RPH3A: variants seen among roughly 807,000 people sequenced by gnomAD.
RPH3A encodes rabphilin 3A.
A neutral mutation model predicts 102.2 loss-of-function variants in RPH3A; 48 were observed. The ratio of observed to expected loss-of-function variants is 0.47; its 90% CI spans 0.37 to 0.60. The LOEUF is 0.60. Among genes scored for constraint, RPH3A ranks in the 20% least tolerant of loss-of-function variants. The pLI is 0.00. For missense variants in RPH3A, 781 were observed against 910.1 expected (o/e 0.86, Z 1.83); for synonymous variants, 310 against 324.3 (o/e 0.96, Z 0.47).
chr12:112,763,110 C>T (rs1243567387), intron 1 of RPH3A, among the ~76,000 whole-genome samples: 4 of 152,218 alleles, frequency 2.6e-5, no homozygotes, highest in Admixed American at 6.5e-5. Flanking sequence ...AAACCATATA[C>T]TGTCGTGCTA....
chr12:112,893,378 C>G (rs542324832), intron 19 of RPH3A: 2 of 152,316 alleles, frequency 1.3e-5, no homozygotes, highest in South Asian at 4.1e-4. Flanking sequence ...GGTCAAGAAA[C>G]AGAGGCACGG....
At chr12:112,590,521 G>T (rs1423875268) in intron 1 of RPH3A, among the ~76,000 whole-genome samples, 1 of 152,188 alleles carries the variant, frequency 6.6e-6, no homozygotes, top group Non-Finnish European at 1.5e-5. Context: ...CAGTGGGGTG[G>T]ACATCAGGGC....
intron 1 of RPH3A, among the ~76,000 whole-genome samples, chr12:112,763,469 G>T (rs952663059): frequency 9.2e-5 from 14 of 152,124 alleles, no homozygotes; most frequent in African/African-American, 2.9e-4. Context: ...AAGAAAGGTG[G>T]GACAATTTGA....
At chr12:112,612,169 T>TG (rs869152285) in intron 1 of RPH3A, among the ~76,000 whole-genome samples, 3 of 152,234 alleles carry the variant, frequency 2.0e-5, no homozygotes, top group East Asian at 1.9e-4. Flanking sequence ...AAATATTTTT[T>TG]GGGGGGGTGG....
intron 1 of RPH3A, among the ~76,000 whole-genome samples, chr12:112,657,042 T>C (rs2040018063): frequency 6.6e-6 from 1 of 152,078 alleles, no homozygotes; most frequent in African/African-American, 2.4e-5. Flanking sequence ...TCCATAAAGG[T>C]TGTTCTAATT....
chr12:112,597,258 T>A (rs1011492093), intron 1 of RPH3A, among the ~76,000 whole-genome samples: 2 of 152,204 alleles, frequency 1.3e-5, no homozygotes, highest in Non-Finnish European at 2.9e-5. Flanking sequence ...AAAAAGGGAA[T>A]GTTTCAATGT....
chr12:112,891,121 A>T, intron 19 of RPH3A, 118 bp downstream of exon 19: 1 of 1,187,822 alleles, frequency 8.4e-7, no homozygotes, highest in Non-Finnish European at 1.2e-6. Context: ...AGGGCAAGGA[A>T]CCTGCCCAAG....
intron 2 of RPH3A, among the ~76,000 whole-genome samples, chr12:112,812,018 C>T (rs777405483): frequency 6.6e-6 from 1 of 151,566 alleles, no homozygotes. Flanking sequence ...CCCACCAAGT[C>T]CAAGTTTGTC....
At chr12:112,761,838 A>G (rs2040856595) in intron 1 of RPH3A, among the ~76,000 whole-genome samples, 1 of 152,186 alleles carries the variant, frequency 6.6e-6, no homozygotes, top group Non-Finnish European at 1.5e-5. Context: ...AATGCTTGAC[A>G]TTTGGACTCC....
chr12:112,806,318 A>C (rs1456170911), intron 2 of RPH3A, among the ~76,000 whole-genome samples: 1 of 152,250 alleles, frequency 6.6e-6, no homozygotes, highest in Non-Finnish European at 1.5e-5. Flanking sequence ...ACAGTGTGAA[A>C]AACGTTTTAA....
intron 1 of RPH3A, among the ~76,000 whole-genome samples, chr12:112,749,633 C>T (rs999087831): frequency 6.6e-6 from 1 of 152,188 alleles, no homozygotes; most frequent in African/African-American, 2.4e-5. Flanking sequence ...CTGTATCCAA[C>T]CATGCAAAGC....
chr12:112,716,891 T>A (rs2040516980), intron 1 of RPH3A, among the ~76,000 whole-genome samples: 4 of 152,236 alleles, frequency 2.6e-5, no homozygotes, highest in Admixed American at 2.6e-4. Flanking sequence ...CCCTGTCCTG[T>A]AGAAGTCTAT....
At chr12:112,894,697 T>C (rs1303746432) in intron 20 of RPH3A, 38 bp downstream of exon 20, 1 of 1,590,852 alleles carries the variant, frequency 6.3e-7, no homozygotes, top group Non-Finnish European at 8.6e-7. Flanking sequence ...TCTGGGATAT[T>C]TGCTGTGTGT....
At chr12:112,791,380 T>C (rs2041098505), upstream of RPH3A, 1 of 152,312 alleles carries the variant, frequency 6.6e-6, no homozygotes, top group African/African-American at 2.4e-5. Flanking sequence ...GCGACAGTAT[T>C]AGAAAAAGTG....
At chr12:112,883,530 CTTGT>C in intron 16 of RPH3A, 128 bp downstream of exon 16, 1 of 655,672 alleles carries the variant, frequency 1.5e-6, no homozygotes, top group Non-Finnish European at 2.7e-6. Flanking sequence ...TTTTTTCCTT[CTTGT>C]TTACTTTTAC....
At chr12:112,798,326 G>C (rs1294619628) in intron 2 of RPH3A, among the ~76,000 whole-genome samples, 1 of 151,376 alleles carries the variant, frequency 6.6e-6, no homozygotes, top group Middle Eastern at 3.2e-3. Flanking sequence ...TAGAGAGCGA[G>C]GGGGGGAAAT....
In RPH3A at chr12:112,837,189, A is replaced by G. The variant is rs141844620; in HGVS notation, c.83+687A>G. Among the ~76,000 whole-genome samples the G allele has an allele frequency of 4.6e-5, 7 of 152,290 alleles. No individual in the cohort carries two copies. In the East Asian group the frequency reaches 1.4e-3, roughly 29 times the overall value. ...CCGCAATCATGGGACTCTGGGACTC[A>G]CGGTCCCTGTGGCCTGGGACACAGC... On this transcript the variant is annotated intron_variant, in intron 4 of 21. Transcript: ENST00000389385.
intron 1 of RPH3A, among the ~76,000 whole-genome samples, chr12:112,621,706 A>G (rs893624649): frequency 3.9e-5 from 6 of 152,210 alleles, no homozygotes; most frequent in African/African-American, 1.4e-4. Flanking sequence ...GGAGCCCACC[A>G]CAGTTCAAGG....
intron 1 of RPH3A, among the ~76,000 whole-genome samples, chr12:112,702,077 C>A (rs2136029554): frequency 6.6e-6 from 1 of 152,294 alleles, no homozygotes; most frequent in South Asian, 2.1e-4. Context: ...ACTAAGCTGC[C>A]TGTATGTCTG....
Sources: gnomAD v4.1 joint callset for allele counts (sites outside exome capture counted in the v4.1 genomes callset) on GRCh38, gnomAD v4.1.1 for gene constraint, MANE v1.5 for transcripts, NCBI Gene and HGNC (gene_info 2026-07-23, HGNC 2026-07-21) for gene names.